Variants in SYT2 observed in about 807,000 individuals in gnomAD.
SYT2 encodes synaptotagmin-2.
A neutral mutation model predicts 39.9 loss-of-function variants in SYT2; 15 were observed. The ratio of observed to expected loss-of-function variants is 0.38; its 90% CI spans 0.25 to 0.58. The LOEUF (loss-of-function observed/expected upper bound fraction) is 0.58, where lower values mean the gene tolerates loss of function less well. Ranked by LOEUF, SYT2 falls within the 20% of genes least tolerant of loss-of-function variation. The probability of loss-of-function intolerance (pLI) is 0.70; values close to 1 mark genes in which losing one functional copy is unlikely to be tolerated. For missense variants in SYT2, 389 were observed against 530.3 expected (o/e 0.73, Z 2.62); for synonymous variants, 181 against 204.5 (o/e 0.89, Z 0.98).
chr1:202,691,725 GAGGGGGGGAGAGAGAGAGAGAGAGAGA>G lies in SYT2; in HGVS notation c.-18+18506_-18+18532del, dbSNP rs1653832873. The stretch of plus-strand genomic sequence containing the variant: ...AGAGGGAGAGGGAGAGGGAGAGGGA[GAGGGGGGGAGAGAGAGAGAGAGAGAGA>G]GAGAGAGAGAGAGAGAGAGAGAGAG... On this transcript the variant is annotated intron_variant, in intron 1 of 8. Transcript: ENST00000367268. 4.9e-4 allele frequency among the ~76,000 whole-genome samples: 8 copies of G among 16,366 alleles called. 1 individual carries two copies. Among genetic ancestry groups the G allele is most frequent in the African/African-American group, 1.5e-3 (8 of 5,392 alleles). 10.7% of individuals were successfully genotyped at this position (16,366 alleles called of 152,430 possible).
At chr1:202,708,154 C>G (rs147957144) in intron 1 of SYT2, among the ~76,000 whole-genome samples, 1 of 152,308 alleles carries the variant, frequency 6.6e-6, no homozygotes, top group Non-Finnish European at 1.5e-5. Flanking sequence ...AACACCAACA[C>G]TTTTTGCTTC....
chr1:202,696,785 T>G (rs1250960296), intron 1 of SYT2, among the ~76,000 whole-genome samples: 1 of 152,236 alleles, frequency 6.6e-6, no homozygotes, highest in Non-Finnish European at 1.5e-5. Context: ...TATCATGAAT[T>G]TTCCTTCTCT....
chr1:202,671,039 T>C (rs1030915616), intron 1 of SYT2, among the ~76,000 whole-genome samples: 7 of 152,100 alleles, frequency 4.6e-5, no homozygotes, highest in African/African-American at 1.7e-4. Flanking sequence ...TCCTTTGTGA[T>C]AAGCAGCCCG....
intron 1 of SYT2, among the ~76,000 whole-genome samples, chr1:202,702,975 A>C (rs1295878403): frequency 1.3e-5 from 2 of 152,192 alleles, no homozygotes; most frequent in African/African-American, 4.8e-5. Flanking sequence ...GAAGCAGAGA[A>C]GGCCCCGCTC....
At chr1:202,700,340 C>T (rs934036836) in intron 1 of SYT2, among the ~76,000 whole-genome samples, 23 of 152,208 alleles carry the variant, frequency 1.5e-4, no homozygotes, top group Admixed American at 3.3e-4. Context: ...AAGCCCCGCA[C>T]TCTAGGGGAG....
At chr1:202,688,096 G>C (rs1375533070) in intron 1 of SYT2, among the ~76,000 whole-genome samples, 4 of 152,142 alleles carry the variant, frequency 2.6e-5, no homozygotes, top group Non-Finnish European at 4.4e-5. Flanking sequence ...GCAAAAGCCT[G>C]GCTCTCTGGT....
At chr1:202,677,814 G>T (rs541954182) in intron 1 of SYT2, among the ~76,000 whole-genome samples, 144 of 152,302 alleles carry the variant, frequency 9.5e-4, no homozygotes, top group Non-Finnish European at 1.8e-3. Context: ...TTGAGGAAGT[G>T]GATAAGGAGT....
intron 1 of SYT2, among the ~76,000 whole-genome samples, chr1:202,652,662 C>T (rs1692213856): frequency 6.6e-6 from 1 of 152,204 alleles, no homozygotes; most frequent in South Asian, 2.1e-4. Context: ...CTCCCAGAGA[C>T]TCCCTCAGCT....
intron 1 of SYT2, among the ~76,000 whole-genome samples, chr1:202,667,204 A>G (rs547239884): frequency 2.8e-5 from 4 of 145,204 alleles, no homozygotes; most frequent in Non-Finnish European, 5.9e-5. Flanking sequence ...GCTGGGAGGA[A>G]AAAAAGGAGG....
In SYT2 at chr1:202,626,397, G is replaced by GTTTTTTTTTTTT. The variant is rs1558437010; in HGVS notation, c.-17-20609_-17-20608insAAAAAAAAAAAA. On this transcript the variant is annotated intron_variant, in intron 1 of 8. Transcript: ENST00000367268. ...TTGCATCTCCCAAGACAGCCTCTCA[G>GTTTTTTTTTTTT]CTTTTTTTTTTTTTTTTTTTTTTTT... 2.1e-4 allele frequency among the ~76,000 whole-genome samples: 21 copies of GTTTTTTTTTTTT among 102,438 alleles called. 1 individual carries two copies. In the East Asian group the frequency reaches 3.4e-3, roughly 16 times the overall value. 67.2% of individuals were successfully genotyped at this position (102,438 alleles called of 152,430 possible).
chr1:202,603,502 G>A (rs1391477877), intron 3 of SYT2, among the ~76,000 whole-genome samples: 7 of 152,116 alleles, frequency 4.6e-5, no homozygotes, highest in Admixed American at 1.3e-4. Flanking sequence ...CAGGCCCCAC[G>A]CATCCTGGGC....
intron 1 of SYT2, among the ~76,000 whole-genome samples, chr1:202,685,743 A>G (rs1291781485): frequency 1.3e-5 from 2 of 152,178 alleles, no homozygotes; most frequent in Admixed American, 6.5e-5. Context: ...ACTGAAGCAT[A>G]TTTCAGGGCA....
chr1:202,695,672 G>T (rs1653956353), intron 1 of SYT2, among the ~76,000 whole-genome samples: 1 of 152,202 alleles, frequency 6.6e-6, no homozygotes, highest in Non-Finnish European at 1.5e-5. Context: ...TCCTCTCACA[G>T]ACATCCAGAC....
intron 1 of SYT2, among the ~76,000 whole-genome samples, chr1:202,701,591 T>C (rs1489925870): frequency 6.6e-6 from 1 of 152,206 alleles, no homozygotes; most frequent in Non-Finnish European, 1.5e-5. Flanking sequence ...GGGTGTGTAG[T>C]GTGGAAGAAC....
chr1:202,610,962 G>A lies in SYT2; in HGVS notation c.-17-5173C>T, dbSNP rs543536212. 2.7e-3 allele frequency among the ~76,000 whole-genome samples: 412 copies of A among 152,102 alleles called. 1 individual carries two copies. Among genetic ancestry groups the A allele is most frequent in the African/African-American group, 9.4e-3 (388 of 41,482 alleles). ...TACCAATGACTTTCTTCACAGAATTGGAAAAAACTACTTTAAAGTTCATAT... is the reference window on the plus strand; with the variant it reads ...TACCAATGACTTTCTTCACAGAATTAGAAAAAACTACTTTAAAGTTCATAT... On this transcript the variant is annotated intron_variant, in intron 1 of 8. Coordinates refer to ENST00000367268, the MANE Select transcript of SYT2 (RefSeq NM_177402.5).
At chr1:202,661,118 T>A (rs1275776830) in intron 1 of SYT2, among the ~76,000 whole-genome samples, 1 of 152,072 alleles carries the variant, frequency 6.6e-6, no homozygotes, top group African/African-American at 2.4e-5. Context: ...ATTTGTGTAT[T>A]CATTGATTCA....
intron 1 of SYT2, among the ~76,000 whole-genome samples, chr1:202,620,696 C>G (rs1490243184): frequency 5.9e-5 from 9 of 152,028 alleles, no homozygotes; most frequent in Non-Finnish European, 1.2e-4. Context: ...ATGCTCAGAG[C>G]TCAGCCACAG....
chr1:202,660,814 G>A (rs1469548612), intron 1 of SYT2, among the ~76,000 whole-genome samples: 1 of 152,048 alleles, frequency 6.6e-6, no homozygotes, highest in East Asian at 1.9e-4. Context: ...CACTTCCCCA[G>A]AGGAAAGGAG....
chr1:202,674,903 T>G (rs1208550806), intron 1 of SYT2, among the ~76,000 whole-genome samples: 1 of 49,870 alleles, frequency 2.0e-5, no homozygotes, highest in African/African-American at 4.0e-5. Flanking sequence ...ACCCCAATAA[T>G]CTCAATGTCA....
Sources: gnomAD v4.1 joint callset for allele counts (sites outside exome capture counted in the v4.1 genomes callset) on GRCh38, gnomAD v4.1.1 for gene constraint, MANE v1.5 for transcripts, NCBI Gene and HGNC (gene_info 2026-07-23, HGNC 2026-07-21) for gene names.